Variants in RORA observed in about 807,000 individuals in gnomAD.
RORA encodes RAR related orphan receptor A, also known as nuclear receptor ROR-alpha.
Under a neutral mutation model 69.5 loss-of-function variants are expected in RORA, and 7 were observed. That is an observed-to-expected ratio of 0.10 (90% CI 0.06 to 0.19). RORA has a LOEUF of 0.19. Ranked by LOEUF, RORA falls within the 10% of genes least tolerant of loss-of-function variation. The pLI, the probability that RORA is intolerant of heterozygous loss-of-function variation, is 1.00. For missense variants in RORA, 457 were observed against 663.0 expected (o/e 0.69, Z 3.41); for synonymous variants, 261 against 240.8 (o/e 1.08, Z -0.78).
rs1000517313 is a variant in RORA at position 61,131,380 on chromosome 15, G to C, written c.166+97673C>G. 3.9e-5 allele frequency among the ~76,000 whole-genome samples: 6 copies of C among 152,214 alleles called. No individual in the cohort carries two copies. The highest frequency in any genetic ancestry group is 1.2e-4 in the African/African-American group (5 of 41,452). On this transcript the variant is annotated intron_variant, in intron 1 of 10. Coordinates refer to ENST00000335670, the MANE Select transcript of RORA (RefSeq NM_134261.3). This position sits in a 1 kb window ranked among gnomAD's most constrained non-coding sequence, Gnocchi z 4.2. The stretch of plus-strand genomic sequence containing the variant: ...TAGACTCTTTCATCAGAGACTTCTA[G>C]CAGATTTCAGCAGCATTTGCTGGAG...
chr15:60,503,740 G>A lies in RORA; in HGVS notation c.943-73C>T, dbSNP rs2065404160. The A allele has an allele frequency of 1.9e-6, 3 of 1,578,046 alleles. No homozygotes were observed. In the Admixed American group the frequency reaches 5.1e-5, roughly 27 times the overall value. On this transcript the variant is annotated intron_variant, in intron 6 of 10. Transcript: ENST00000335670. ...TTTGTAGCAGAAGCTGCAGAGTTATGAAAGCAAAGCATGCCACTGCTTTAG... is the reference window on the plus strand; with the variant it reads ...TTTGTAGCAGAAGCTGCAGAGTTATAAAAGCAAAGCATGCCACTGCTTTAG...
intron 1 of RORA, among the ~76,000 whole-genome samples, chr15:61,216,894 C>A (rs1187320578): frequency 6.6e-6 from 1 of 152,178 alleles, no homozygotes; most frequent in East Asian, 1.9e-4. Context: ...CTCCTCCCAG[C>A]AGGCTTGTAA....
At chr15:60,592,498 C>G in intron 2 of RORA, 1 of 1,330,034 alleles carries the variant, frequency 7.5e-7, no homozygotes. Context: ...GCCGCCGCCG[C>G]CCGAGCCACA....
Position 61,075,158 on chromosome 15 carries a change from T to G in RORA, c.166+153895A>C, listed in dbSNP as rs150539895. Among the ~76,000 whole-genome samples, 4 of 152,190 alleles carry G rather than the reference T, an allele frequency of 2.6e-5. No individual in the cohort carries two copies. In the East Asian group the frequency reaches 7.7e-4, roughly 29 times the overall value. ...ATTCAGCATGGACTACTACTATTAT[T>G]TGAAACTACTAACAAATGGAGCTAG... On this transcript the variant is annotated intron_variant, in intron 1 of 10. Transcript: ENST00000335670.
intron 1 of RORA, among the ~76,000 whole-genome samples, chr15:60,834,798 T>A (rs918616176): frequency 1.1e-4 from 16 of 152,194 alleles, no homozygotes; most frequent in African/African-American, 3.9e-4. Flanking sequence ...TCGACAATGC[T>A]GAGACCTAGG....
intron 2 of RORA, among the ~76,000 whole-genome samples, chr15:60,673,814 T>G (rs1417257543): frequency 1.3e-5 from 2 of 152,200 alleles, no homozygotes; most frequent in African/African-American, 2.4e-5. Context: ...AAAAAGCCTA[T>G]CAGCGCAGAG....
intron 1 of RORA, among the ~76,000 whole-genome samples, chr15:60,746,022 A>T (rs1471698966): frequency 6.6e-6 from 1 of 152,258 alleles, no homozygotes; most frequent in Admixed American, 6.5e-5. Context: ...AATAAAAGAA[A>T]TAATTACAAC....
At chr15:61,065,564 T>C (rs868195710) in intron 1 of RORA, among the ~76,000 whole-genome samples, 2 of 152,214 alleles carry the variant, frequency 1.3e-5, no homozygotes, top group Non-Finnish European at 2.9e-5. Flanking sequence ...AATATCTCTT[T>C]AATAAATAAA....
At chr15:61,228,458 T>C (rs1186223140) in intron 1 of RORA, among the ~76,000 whole-genome samples, 1 of 151,418 alleles carries the variant, frequency 6.6e-6, no homozygotes, top group Non-Finnish European at 1.5e-5. Context: ...CCAAAGAAGG[T>C]GTCCACGTCG....
intron 1 of RORA, among the ~76,000 whole-genome samples, chr15:60,974,539 T>C (rs1464179310): frequency 6.6e-6 from 1 of 152,198 alleles, no homozygotes; most frequent in Non-Finnish European, 1.5e-5. Flanking sequence ...GCTTTTTCTT[T>C]GTGGCTCCTA....
At position 60,580,577 on chromosome 15, in the gene RORA, C is replaced by T. The variant is rs573628473; in HGVS notation, c.197-48726G>A. Among the ~76,000 whole-genome samples, 5 of 152,322 alleles carry T rather than the reference C, an allele frequency of 3.3e-5. No individual in the cohort carries two copies. The East Asian group carries it at 5.8e-4, about 18-fold the overall frequency. On this transcript the variant is annotated intron_variant, in intron 2 of 10. Coordinates refer to ENST00000335670, the MANE Select transcript of RORA (RefSeq NM_134261.3). ...CAATCGCTCCTGTGATGAATCTTTC[C>T]GAACCAAACTTAAAGTGATGCCAGC...
chr15:60,871,425 C>T lies in RORA; in HGVS notation c.167-192739G>A, dbSNP rs971154518. On this transcript the variant is annotated intron_variant, in intron 1 of 10. Coordinates refer to ENST00000335670, the MANE Select transcript of RORA (RefSeq NM_134261.3). ...CATTGTTTATGGGATTGGAGAATGA[C>T]ATCTACATGAGGTTTGAAGTATTTT... 5.9e-5 allele frequency among the ~76,000 whole-genome samples: 9 copies of T among 152,198 alleles called. 1 individual carries two copies. The highest frequency in any genetic ancestry group is 4.1e-4 in the South Asian group (2 of 4,832).
intron 1 of RORA, among the ~76,000 whole-genome samples, chr15:61,016,635 T>G (rs1041687057): frequency 2.0e-5 from 3 of 152,142 alleles, no homozygotes. Flanking sequence ...TACATCGTCA[T>G]AAGCTACGCC....
At chr15:60,944,974 C>T (rs1044673980) in intron 1 of RORA, among the ~76,000 whole-genome samples, 1 of 152,130 alleles carries the variant, frequency 6.6e-6, no homozygotes, top group Admixed American at 6.5e-5. Flanking sequence ...AGAGATATAA[C>T]AGATGCCCGA....
At chr15:61,220,970 G>A (rs1487889661) in intron 1 of RORA, among the ~76,000 whole-genome samples, 1 of 152,100 alleles carries the variant, frequency 6.6e-6, no homozygotes, top group African/African-American at 2.4e-5. Context: ...ATCTCTGCAG[G>A]CACTAGTCCA....
intron 1 of RORA, among the ~76,000 whole-genome samples, chr15:61,013,877 G>A (rs1595878064): frequency 1.3e-5 from 2 of 148,950 alleles, no homozygotes; most frequent in Admixed American, 1.4e-4. Flanking sequence ...TCTGCCTCCC[G>A]GGTTCACGCC....
chr15:60,707,337 TA>T (rs1456887431), intron 1 of RORA, among the ~76,000 whole-genome samples: 16 of 100,630 alleles, frequency 1.6e-4, no homozygotes, highest in African/African-American at 7.7e-4. Flanking sequence ...TTCTTTATTT[TA>T]TTTATTTATT....
chr15:60,713,603 A>C (rs911486547), intron 1 of RORA, among the ~76,000 whole-genome samples: 4 of 152,148 alleles, frequency 2.6e-5, no homozygotes, highest in African/African-American at 4.8e-5. Context: ...AGTCATATTC[A>C]GCCCTTAGGA....
intron 1 of RORA, among the ~76,000 whole-genome samples, chr15:61,082,454 A>G (rs975222351): frequency 6.6e-6 from 1 of 152,182 alleles, no homozygotes; most frequent in East Asian, 1.9e-4. Context: ...ACACCATTGC[A>G]CTCTAGCCTG....
Sources: gnomAD v4.1 joint callset for allele counts (sites outside exome capture counted in the v4.1 genomes callset) on GRCh38, gnomAD v4.1.1 for gene constraint, Gnocchi (gnomAD v3.1) non-coding constraint, MANE v1.5 for transcripts, NCBI Gene and HGNC (gene_info 2026-07-23, HGNC 2026-07-21) for gene names.